DNAH3: variants seen among roughly 807,000 people sequenced by gnomAD.
The protein encoded by DNAH3 is axonemal beta dynein heavy chain 3.
A neutral mutation model predicts 432.5 loss-of-function variants in DNAH3; 332 were observed. The observed-to-expected ratio is 0.77, with a 90% CI of 0.70 to 0.84. The LOEUF is 0.84. Among genes scored for constraint, DNAH3 ranks in the 40% least tolerant of loss-of-function variants. The probability of loss-of-function intolerance (pLI) is 0.00; values close to 1 mark genes in which losing one functional copy is unlikely to be tolerated. For synonymous variants in DNAH3, 1,956 were observed against 1,900.2 expected, an observed-to-expected ratio of 1.03 and a Z score of -0.76; for missense variants, 4,861 against 5,114.0, an observed-to-expected ratio of 0.95 and a Z score of 1.51.
chr16:21,004,247 C>T (rs1244654265), intron 41 of DNAH3, among the ~76,000 whole-genome samples: 2 of 152,006 alleles, frequency 1.3e-5, no homozygotes, highest in East Asian at 1.9e-4. Flanking sequence ...TATAATAAAC[C>T]GTCCTGTACG....
chr16:20,984,873 A>T (rs373709501), intron 48 of DNAH3, among the ~76,000 whole-genome samples, 176 bp downstream of exon 48: 1 of 150,236 alleles, frequency 6.7e-6, no homozygotes, highest in Non-Finnish European at 1.5e-5. Flanking sequence ...TAAAAAAAAA[A>T]TTGCTGCTCA....
At chr16:21,017,906 T>C (rs773644978) in intron 41 of DNAH3, among the ~76,000 whole-genome samples, 40 of 152,154 alleles carry the variant, frequency 2.6e-4, no homozygotes, top group Non-Finnish European at 5.0e-4. Flanking sequence ...CAGTGAACAT[T>C]TGTATACTCA....
chr16:21,101,443 T>C (rs1372864834), intron 16 of DNAH3, among the ~76,000 whole-genome samples: 1 of 152,188 alleles, frequency 6.6e-6, no homozygotes, highest in African/African-American at 2.4e-5. Context: ...TTATATTCCA[T>C]AGAATAATAC....
intron 24 of DNAH3, chr16:21,063,150 C>G (rs920918238): frequency 5.8e-5 from 9 of 153,968 alleles, no homozygotes; most frequent in African/African-American, 1.2e-4. Context: ...CCGGATAGAA[C>G]AGCAATTCTC....
At chr16:20,939,713 T>A (rs925107881) in intron 59 of DNAH3, among the ~76,000 whole-genome samples, 4 of 151,958 alleles carry the variant, frequency 2.6e-5, no homozygotes, top group African/African-American at 9.7e-5. Flanking sequence ...GGGCTGTCCT[T>A]AAAATGAAGC....
intron 18 of DNAH3, among the ~76,000 whole-genome samples, chr16:21,093,893 A>G (rs943768689): frequency 6.6e-6 from 1 of 152,180 alleles, no homozygotes; most frequent in Non-Finnish European, 1.5e-5. Context: ...TAAGCCTCGT[A>G]TTTTAAAAAA....
At position 20,952,413 on chromosome 16, in the gene DNAH3, A is replaced by G. The variant is rs1395386253; in HGVS notation, c.11188+20T>C. On this transcript the variant is annotated intron_variant, in intron 56 of 61. Coordinates refer to ENST00000261383, the Ensembl canonical transcript of DNAH3. The stretch of plus-strand genomic sequence containing the variant: ...CATGATACTGGAGGTTTACAGTGGA[A>G]AAACTCCTCCCGTAAATACCTGTCA... 6.6e-7 allele frequency: 1 copy of G among 1,503,784 alleles called. No individual in the cohort carries two copies. Among genetic ancestry groups the G allele is most frequent in the Non-Finnish European group, 9.3e-7 (1 of 1,080,056 alleles). 93.2% of individuals were successfully genotyped at this position (1,503,784 alleles called of 1,614,324 possible).
At chr16:21,159,146 C>G (rs2092930977) in intron 1 of DNAH3, among the ~76,000 whole-genome samples, 2 of 152,086 alleles carry the variant, frequency 1.3e-5, no homozygotes, top group African/African-American at 4.8e-5. Context: ...AAAACGGGCG[C>G]CTTCCTCACC....
chr16:20,989,026 G>A (rs1244735652), intron 44 of DNAH3, among the ~76,000 whole-genome samples: 2 of 152,198 alleles, frequency 1.3e-5, no homozygotes, highest in Admixed American at 6.5e-5. Context: ...AAAGCAGTGT[G>A]GACCCACAGA....
At chr16:21,115,852 T>C (rs546620163) in intron 12 of DNAH3, among the ~76,000 whole-genome samples, 7 of 152,274 alleles carry the variant, frequency 4.6e-5, no homozygotes, top group African/African-American at 1.4e-4. Flanking sequence ...CCAAATCAAA[T>C]TCACGAGGGC....
In DNAH3 at chr16:21,062,688, T is replaced by C. The variant is rs747194415; in HGVS notation, c.3519-5A>G. The C allele has an allele frequency of 2.5e-6, 4 of 1,607,486 alleles. No homozygotes were observed. Among genetic ancestry groups the C allele is most frequent in the Non-Finnish European group, 2.6e-6 (3 of 1,176,018 alleles). On this transcript the variant is annotated splice_region_variant and splice_polypyrimidine_tract_variant and intron_variant, in intron 24 of 61. Coordinates refer to ENST00000261383, the Ensembl canonical transcript of DNAH3. ...TCGTTTGATAGGAAGAAGAATCTAT[T>C]TCAAAGCAAAGAAAGATGGTAACTG...
chr16:20,959,224 ATCT>A (rs753633198), exon 54 of DNAH3: 49 of 1,613,890 alleles, frequency 3.0e-5, no homozygotes, highest in Non-Finnish European at 4.2e-5. Context: ...CTCCTCACAA[ATCT>A]TCTCCAGGGT....
At chr16:21,146,203 C>G in intron 1 of DNAH3, 115 bp from the exon 3 acceptor site, 1 of 638,810 alleles carries the variant, frequency 1.6e-6, no homozygotes, top group Non-Finnish European at 2.8e-6. Flanking sequence ...GAGTTCTGGA[C>G]CTAAAACAAA....
chr16:21,139,805 A>G (rs1303853483), intron 5 of DNAH3, among the ~76,000 whole-genome samples: 1 of 96,222 alleles, frequency 1.0e-5, no homozygotes, highest in African/African-American at 4.3e-5. Flanking sequence ...TTTGAGATAG[A>G]GCCTCGCTCT....
At chr16:20,987,060 A>C (rs923496733) in intron 47 of DNAH3, among the ~76,000 whole-genome samples, 3 of 152,158 alleles carry the variant, frequency 2.0e-5, no homozygotes, top group Admixed American at 2.0e-4. Flanking sequence ...TTTATAATGA[A>C]CTTAAAATGC....
intron 25 of DNAH3, among the ~76,000 whole-genome samples, 162 bp from the exon 26 acceptor site, chr16:21,060,518 T>C (rs1000773148): frequency 7.8e-6 from 1 of 128,476 alleles, no homozygotes. Flanking sequence ...TTTTTTCTTT[T>C]TTTTTTTCTT....
At chr16:21,126,513 AG>A (rs1380168692) in intron 8 of DNAH3, among the ~76,000 whole-genome samples, 2 of 152,246 alleles carry the variant, frequency 1.3e-5, no homozygotes, top group Non-Finnish European at 2.9e-5. Context: ...CAAAGGAAAA[AG>A]GAATTGTGTA....
intron 15 of DNAH3, 118 bp downstream of exon 15, chr16:21,106,372 T>C (rs981689776): frequency 1.0e-5 from 9 of 876,438 alleles, no homozygotes; most frequent in African/African-American, 1.7e-5. Context: ...ATCCTTTTGC[T>C]CAACACTTTA....
At chr16:21,066,906 G>A (rs149999911) in intron 24 of DNAH3, among the ~76,000 whole-genome samples, 11 of 152,198 alleles carry the variant, frequency 7.2e-5, no homozygotes, top group African/African-American at 2.2e-4. Context: ...CCAAATTTAC[G>A]GTGGAGAACC....
Sources: allele counts gnomAD v4.1 joint callset (sites outside exome capture counted in the v4.1 genomes callset), GRCh38; gene constraint gnomAD v4.1.1; transcripts MANE v1.5; gene names NCBI Gene and HGNC (gene_info 2026-07-23, HGNC 2026-07-21).